ITGAD: variants seen among roughly 807,000 people sequenced by gnomAD.
ITGAD encodes integrin alpha-D.
In ITGAD, 105 loss-of-function variants were observed where a neutral mutation model predicts 139.0. The observed-to-expected ratio is 0.76, with a 90% CI of 0.65 to 0.89. The LOEUF (loss-of-function observed/expected upper bound fraction) is 0.89. Ranked by LOEUF, ITGAD falls within the 40% of genes least tolerant of loss-of-function variation. The probability of loss-of-function intolerance (pLI) is 0.00; values close to 1 mark genes in which losing one functional copy is unlikely to be tolerated. For synonymous variants in ITGAD, 569 were observed against 598.3 expected (o/e 0.95, Z 0.71); for missense variants, 1,384 against 1,487.3 (o/e 0.93, Z 1.14).
intron 7 of ITGAD, among the ~76,000 whole-genome samples, chr16:31,407,192 A>G (rs2081560417): frequency 6.6e-6 from 1 of 152,092 alleles, no homozygotes; most frequent in African/African-American, 2.4e-5. Context: ...CCTCTCTACT[A>G]AAAATACAAA....
intron 23 of ITGAD, among the ~76,000 whole-genome samples, chr16:31,420,122 G>C (rs946978799): frequency 7.2e-5 from 11 of 152,194 alleles, no homozygotes; most frequent in African/African-American, 2.7e-4. Flanking sequence ...CTGAATTGGG[G>C]AGCTTGTGCC....
In ITGAD at chr16:31,397,869, G is replaced by C. The variant is rs750617929; in HGVS notation, c.387G>C (p.Ser129=). The C allele has an allele frequency of 2.5e-6, 4 of 1,613,648 alleles. No individual in the cohort carries two copies. Among genetic ancestry groups the C allele is most frequent in the Admixed American group, 1.7e-5 (1 of 60,022 alleles). The change falls in exon 5 of 30, where the codon TCG becomes TCC. Residue 129 remains serine, a synonymous_variant. Transcript: ENST00000389202. ...YSKGSCLLLG[S]RWEIIQTVPD... ...AGGGTTCCTGCCTCCTGCTGGGCTC[G>C]CGCTGGGAGATCATCCAGACAGTCC... is the stretch of plus-strand genomic sequence containing the variant.
rs1314185887 is a variant in ITGAD at position 31,403,900 on chromosome 16, C to T, written c.704+255C>T. On this transcript the variant is annotated intron_variant, in intron 7 of 29. Transcript: ENST00000389202. This position sits in a 1 kb window ranked among gnomAD's most constrained non-coding sequence, Gnocchi z 4.4. ...GTTCTGCAGAGCCTGGACCCCAGGA[C>T]CCCTCCCCACCCCACAGCAGCCAGA... 3 of 476,582 alleles carry T rather than the reference C, an allele frequency of 6.3e-6. No individual in the cohort carries two copies. The highest frequency in any genetic ancestry group is 3.4e-5 in the Admixed American group (1 of 29,046). The allele number at this position is 476,582 out of a possible 1,614,324, so 29.5% of individuals were successfully genotyped here. A position where few individuals can be genotyped will look rare whatever the true frequency, so the allele number is the denominator to read the frequency against.
rs774985463 is a variant in ITGAD at position 31,418,462 on chromosome 16, C to T, written c.2697-19C>T. On this transcript the variant is annotated intron_variant, in intron 22 of 29. Transcript: ENST00000389202. ...CTCTCCTGGATTCCTTCCCATTGGT[C>T]CCTCCTTTCTGTCTCCAGTGAGAAC... The T allele has an allele frequency of 3.7e-6, 6 of 1,610,982 alleles. No homozygotes were observed. The African/African-American group carries it at 8.0e-5, about 22-fold the overall frequency.
chr16:31,397,707 G>A (rs764431196), intron 4 of ITGAD, 41 bp downstream of exon 4: 25 of 1,475,210 alleles, frequency 1.7e-5, no homozygotes, highest in South Asian at 1.3e-4. Context: ...GGGGTGGGGC[G>A]GGGGGTGTTG....
chr16:31,406,551 C>A (rs146232583), intron 7 of ITGAD, among the ~76,000 whole-genome samples: 484 of 152,298 alleles, frequency 3.2e-3, no homozygotes, highest in Non-Finnish European at 5.2e-3. Context: ...CAATCCAGCA[C>A]TAAGCTGGTG....
chr16:31,416,757 T>A (rs2081898758), intron 20 of ITGAD, 111 bp downstream of exon 20: 8 of 1,014,744 alleles, frequency 7.9e-6, no homozygotes, highest in Non-Finnish European at 1.1e-5. Context: ...GCTCTCTCTC[T>A]CTCTCTCACA....
At chr16:31,412,555 C>T (rs141887189) in intron 14 of ITGAD, among the ~76,000 whole-genome samples, 1,881 of 152,238 alleles carry the variant, frequency 0.012, 21 homozygotes, top group Admixed American at 0.019. Flanking sequence ...CCCACGGCCT[C>T]GTGGCTCATA....
Position 31,407,622 on chromosome 16 carries a change from T to C in ITGAD, c.812T>C (p.Val271Ala), listed in dbSNP as rs753899517. 1.2e-6 allele frequency: 2 copies of C among 1,614,150 alleles called. No homozygotes were observed. Among genetic ancestry groups the C allele is most frequent in the Non-Finnish European group, 1.7e-6 (2 of 1,180,008 alleles). The change falls in exon 8 of 30, where the codon GTC becomes GCC. Residue 271 changes from valine (V) to alanine (A), a missense_variant. Coordinates refer to ENST00000389202, the MANE Select transcript of ITGAD (RefSeq NM_005353.3). ...KYKDPLEYSDVIPQAEKAGII... is the reference protein window; with the variant it reads ...KYKDPLEYSDAIPQAEKAGII... ...AAAGACCCCCTGGAATACAGTGATG[T>C]CATCCCCCAGGCAGAGAAGGCTGGC...
At chr16:31,394,929 T>C (rs767976956) in intron 2 of ITGAD, among the ~76,000 whole-genome samples, 12 of 152,340 alleles carry the variant, frequency 7.9e-5, no homozygotes, top group Non-Finnish European at 1.5e-4. Context: ...TCCTCCTGCC[T>C]TGGCCTCCCA....
At chr16:31,411,641 C>T (rs949901896) in intron 14 of ITGAD, 124 bp downstream of exon 14, 32 of 878,032 alleles carry the variant, frequency 3.6e-5, no homozygotes, top group Non-Finnish European at 4.9e-5. Flanking sequence ...GCTAAGCACA[C>T]GTCATCTCTC....
chr16:31,395,686 C>T (rs1291405852), intron 2 of ITGAD, among the ~76,000 whole-genome samples: 1 of 152,136 alleles, frequency 6.6e-6, no homozygotes, highest in Non-Finnish European at 1.5e-5. Flanking sequence ...TCCAGGAGCT[C>T]ACATTCTCCT....
At position 31,402,026 on chromosome 16, in the gene ITGAD, G is replaced by C. The variant is rs2081417680; in HGVS notation, c.428-89G>C. ...GTCGGAAACTAGGTGGGGATGCCAA[G>C]AACAGCCCCCGGGCTCTGTTGAGCA... On this transcript the variant is annotated intron_variant, in intron 5 of 29. Transcript: ENST00000389202. 2.7e-6 allele frequency: 4 copies of C among 1,466,592 alleles called. No homozygotes were observed. In the Admixed American group the frequency reaches 7.4e-5, roughly 27 times the overall value. 90.8% of individuals were successfully genotyped at this position (1,466,592 alleles called of 1,614,324 possible).
At position 31,423,098 on chromosome 16, in the gene ITGAD, C is replaced by G; in HGVS notation, c.2781-16C>G. Reference sequence around the variant, plus strand: ...CAGTTTCAGGGCTGTTTTTCACCCACAGGCTCTCTCTCCAGGCAGGAAGAA... The same window carrying G: ...CAGTTTCAGGGCTGTTTTTCACCCAGAGGCTCTCTCTCCAGGCAGGAAGAA... On this transcript the variant is annotated splice_polypyrimidine_tract_variant and intron_variant, in intron 23 of 29. Coordinates refer to ENST00000389202, the MANE Select transcript of ITGAD (RefSeq NM_005353.3). 6.2e-7 allele frequency: 1 copy of G among 1,611,364 alleles called. No individual in the cohort carries two copies. Among genetic ancestry groups the G allele is most frequent in the Non-Finnish European group, 8.5e-7 (1 of 1,177,418 alleles).
rs751905159 is a variant in ITGAD at position 31,410,881 on chromosome 16, T to C, written c.1356+3T>C. 1.4e-6 allele frequency: 2 copies of C among 1,385,850 alleles called. No individual in the cohort carries two copies. Among genetic ancestry groups the C allele is most frequent in the South Asian group, 2.3e-5 (2 of 87,510 alleles). The allele number at this position is 1,385,850 out of a possible 1,614,324, so 85.8% of individuals were successfully genotyped here. The stretch of plus-strand genomic sequence containing the variant: ...AGGCCGAAGTCACAGGGACGCAGGT[T>C]GGGCGTGACAGGAGCCAGAGGGGAG... On this transcript the variant is annotated splice_donor_region_variant and intron_variant, in intron 12 of 29. Coordinates refer to ENST00000389202, the MANE Select transcript of ITGAD (RefSeq NM_005353.3).
chr16:31,397,314 A>G, intron 2 of ITGAD, 45 bp from the exon 3 acceptor site: 1 of 1,363,478 alleles, frequency 7.3e-7, no homozygotes, highest in Non-Finnish European at 1.0e-6. Flanking sequence ...CGCTGCTCCC[A>G]CCCCTCCTGT....
intron 22 of ITGAD, 44 bp downstream of exon 22, chr16:31,418,424 C>T (rs374107305): frequency 1.1e-4 from 169 of 1,606,122 alleles, no homozygotes; most frequent in East Asian, 2.0e-4. Context: ...TCGCATGCCC[C>T]GGCTAGAGAC....
At position 31,404,038 on chromosome 16, in the gene ITGAD, T is replaced by C. The variant is rs115512114; in HGVS notation, c.704+393T>C. The C allele has an allele frequency of 1.6e-3, 339 of 211,628 alleles. 2 individuals carry two copies. Among genetic ancestry groups the C allele is most frequent in the African/African-American group, 7.3e-3 (317 of 43,614 alleles). The allele number at this position is 211,628 out of a possible 1,614,324, so 13.1% of individuals were successfully genotyped here. A position where few individuals can be genotyped will look rare whatever the true frequency, so the allele number is the denominator to read the frequency against. On this transcript the variant is annotated intron_variant, in intron 7 of 29. Coordinates refer to ENST00000389202, the MANE Select transcript of ITGAD (RefSeq NM_005353.3). ...AGTCTCAGTAACTCTCAGATGAAGA[T>C]AAGCTCACAGCTTAGGATTGAGATC...
intron 18 of ITGAD, among the ~76,000 whole-genome samples, chr16:31,415,640 T>G (rs1317328875): frequency 1.3e-5 from 2 of 152,202 alleles, no homozygotes; most frequent in Admixed American, 1.3e-4. Flanking sequence ...CTCTGTGCCT[T>G]TGTCCCTGTT....
Sources: gnomAD v4.1 joint callset for allele counts (sites outside exome capture counted in the v4.1 genomes callset) on GRCh38, gnomAD v4.1.1 for gene constraint, Gnocchi (gnomAD v3.1) non-coding constraint, MANE v1.5 for transcripts, NCBI Gene and HGNC (gene_info 2026-07-23, HGNC 2026-07-21) for gene names.